The following SERPINE2 variants were observed in gnomAD, a reference collection of about 807,000 sequenced individuals.
SERPINE2 encodes the protein serpin family E member 2.
Under a neutral mutation model 36.3 loss-of-function variants are expected in SERPINE2, and 14 were observed. The ratio of observed to expected loss-of-function variants is 0.39; its 90% CI spans 0.25 to 0.60. SERPINE2 has a LOEUF of 0.60. Ranked by LOEUF, SERPINE2 falls within the 20% of genes least tolerant of loss-of-function variation. The pLI, the probability that SERPINE2 is intolerant of heterozygous loss-of-function variation, is 0.57. For synonymous variants in SERPINE2, 192 were observed against 191.8 expected, an observed-to-expected ratio of 1.00 and a Z score of -0.01; for missense variants, 418 against 499.6, an observed-to-expected ratio of 0.84 and a Z score of 1.56.
intron 1 of SERPINE2, chr2:224,038,437 C>T (rs1048496182): frequency 6.7e-7 from 1 of 1,486,206 alleles, no homozygotes; most frequent in Non-Finnish European, 9.2e-7. Flanking sequence ...TTTGTGGACA[C>T]ATTAAATGCC....
rs761143277 is a variant in SERPINE2, at chr2:224,020,001, T to A, written c.-22-18079A>T. On this transcript the variant is annotated intron_variant, in intron 1 of 8. Transcript: ENST00000409304. ...TGAAGGAGAGAGGAAGGATCACCCCTGGTTGGCAACCACTATTACAGAGAA... is the reference window on the plus strand; with the variant it reads ...TGAAGGAGAGAGGAAGGATCACCCCAGGTTGGCAACCACTATTACAGAGAA... Among the ~76,000 whole-genome samples, 107 of 152,202 alleles carry A rather than the reference T, an allele frequency of 7.0e-4. 3 individuals carry two copies. Among genetic ancestry groups the A allele is most frequent in the Non-Finnish European group, 7.6e-4 (52 of 68,036 alleles).
intron 1 of SERPINE2, chr2:224,038,352 C>T: frequency 1.4e-6 from 1 of 725,746 alleles, no homozygotes. Flanking sequence ...ACACTAAAAC[C>T]TTCAACAGCA....
intron 1 of SERPINE2, among the ~76,000 whole-genome samples, chr2:224,015,277 C>T (rs896113312): frequency 1.5e-4 from 23 of 152,180 alleles, no homozygotes; most frequent in African/African-American, 5.3e-4. Flanking sequence ...TTTACAAATG[C>T]TCTGACATCG....
Position 224,002,577 on chromosome 2 carries a change from C to T in SERPINE2, c.-22-655G>A, listed in dbSNP as rs184996626. 1.9e-3 allele frequency among the ~76,000 whole-genome samples: 286 copies of T among 152,174 alleles called. 1 individual carries two copies. The highest frequency in any genetic ancestry group is 6.7e-3 in the African/African-American group (277 of 41,494). On this transcript the variant is annotated intron_variant, in intron 1 of 8. Transcript: ENST00000409304. ...GCGCAATCTCGGCTCACTGCAACCT[C>T]CGCCTCCCGGGTTCAAGTGATTCTC...
rs571988678 is a variant in SERPINE2 at position 223,991,988 on chromosome 2, T to C, written c.500A>G (p.Asn167Ser). Residue 167 changes from asparagine to serine, a missense_variant, in exon 4 of 9, where the codon AAT (asparagine) becomes AGT (serine). Physicochemically the swap from Asn to Ser is conservative, Grantham distance 46 (BLOSUM62 1). Transcript: ENST00000409304. ...VKNETRDMID[N>S]LLSPDLIDGV... The stretch of plus-strand genomic sequence containing the variant: ...ATCAATAAGATCTGGGGACAGCAGA[T>C]TGTCAATCATATCTGTGAAGCCAAA... 3.8e-5 allele frequency: 61 copies of C among 1,613,980 alleles called. No homozygotes were observed. The highest frequency in any genetic ancestry group is 6.7e-5 in the African/African-American group (5 of 75,040).
intron 1 of SERPINE2, among the ~76,000 whole-genome samples, chr2:224,026,124 T>C (rs962118428): frequency 6.6e-6 from 1 of 152,200 alleles, no homozygotes; most frequent in Non-Finnish European, 1.5e-5. Context: ...AGTTCAATGC[T>C]GACAAGTACG....
At chr2:223,993,882 A>T (rs961487992) in intron 3 of SERPINE2, among the ~76,000 whole-genome samples, 2 of 152,218 alleles carry the variant, frequency 1.3e-5, no homozygotes, top group African/African-American at 2.4e-5. Flanking sequence ...GACATCATTC[A>T]ACTCAACACA....
At chr2:224,016,466 A>G (rs894448356) in intron 1 of SERPINE2, among the ~76,000 whole-genome samples, 3 of 151,164 alleles carry the variant, frequency 2.0e-5, no homozygotes, top group Admixed American at 6.6e-5. Flanking sequence ...AGGTTGTGCT[A>G]TTGCACTCCA....
chr2:223,991,072 G>A (rs1013265897), intron 4 of SERPINE2, among the ~76,000 whole-genome samples: 1 of 152,160 alleles, frequency 6.6e-6, no homozygotes, highest in Non-Finnish European at 1.5e-5. Flanking sequence ...CTATTGACGT[G>A]TGAATATAAA....
At chr2:224,022,738 A>T (rs546049492) in intron 1 of SERPINE2, among the ~76,000 whole-genome samples, 1 of 152,198 alleles carries the variant, frequency 6.6e-6, no homozygotes, top group Non-Finnish European at 1.5e-5. Context: ...TTCACATGGT[A>T]CTTACCAATT....
chr2:224,025,317 T>C (rs1430969387), intron 1 of SERPINE2, among the ~76,000 whole-genome samples: 1 of 152,214 alleles, frequency 6.6e-6, no homozygotes, highest in African/African-American at 2.4e-5. Context: ...TCCTCCCAGA[T>C]GTATAAGTGT....
At chr2:224,007,963 T>C (rs1348919516) in intron 1 of SERPINE2, among the ~76,000 whole-genome samples, 1 of 152,228 alleles carries the variant, frequency 6.6e-6, no homozygotes, top group East Asian at 1.9e-4. Context: ...CTTTTTTCTT[T>C]GTTTATGGCT....
At chr2:224,017,441 T>C (rs1691836640) in intron 1 of SERPINE2, among the ~76,000 whole-genome samples, 1 of 152,226 alleles carries the variant, frequency 6.6e-6, no homozygotes, top group Non-Finnish European at 1.5e-5. Context: ...AAATGTAATA[T>C]TTTTGGTCCT....
intron 3 of SERPINE2, among the ~76,000 whole-genome samples, chr2:223,992,550 T>A (rs2059467954): frequency 6.6e-6 from 1 of 152,176 alleles, no homozygotes; most frequent in African/African-American, 2.4e-5. Flanking sequence ...TATTTTGGAA[T>A]CTCTGGGTAT....
intron 6 of SERPINE2, 182 bp from the exon 7 acceptor site, chr2:223,980,579 C>T: frequency 3.5e-6 from 2 of 577,300 alleles, no homozygotes. Context: ...GAATTTCAGT[C>T]CCTGCTAAGT....
At chr2:224,006,836 C>A (rs749884259) in intron 1 of SERPINE2, among the ~76,000 whole-genome samples, 6 of 152,216 alleles carry the variant, frequency 3.9e-5, no homozygotes, top group Non-Finnish European at 8.8e-5. Context: ...TACTACTGGA[C>A]CCTCACCCCC....
intron 1 of SERPINE2, among the ~76,000 whole-genome samples, chr2:224,035,477 G>A (rs899260270): frequency 6.6e-6 from 1 of 152,124 alleles, no homozygotes; most frequent in Admixed American, 6.5e-5. Flanking sequence ...CTGCCTCCCG[G>A]GTTCAAGCGA....
chr2:224,005,066 TATATATATATATATATA>T (rs1485695252), intron 1 of SERPINE2, among the ~76,000 whole-genome samples: 1 of 86,422 alleles, frequency 1.2e-5, no homozygotes, highest in South Asian at 2.7e-4. Context: ...TTATATATAT[TATATATATATATATATA>T]TATATATATA....
intron 1 of SERPINE2, among the ~76,000 whole-genome samples, chr2:224,006,755 A>G (rs1427602509): frequency 2.0e-5 from 3 of 152,216 alleles, no homozygotes; most frequent in South Asian, 2.1e-4. Context: ...TTAGCAACTA[A>G]AAGTCAAAAA....
Sources: allele counts gnomAD v4.1 joint callset (sites outside exome capture counted in the v4.1 genomes callset), GRCh38; gene constraint gnomAD v4.1.1; transcripts MANE v1.5; gene names NCBI Gene and HGNC (gene_info 2026-07-23, HGNC 2026-07-21).